The following ZC3H12B variants were observed in gnomAD, a reference collection of about 807,000 sequenced individuals.
The protein encoded by ZC3H12B is probable ribonuclease ZC3H12B.
Under a neutral mutation model 43.9 loss-of-function variants are expected in ZC3H12B, and 7 were observed. The ratio of observed to expected loss-of-function variants is 0.16; its 90% CI spans 0.09 to 0.30. The LOEUF (loss-of-function observed/expected upper bound fraction) is 0.30. Among genes scored for constraint, ZC3H12B ranks in the 10% least tolerant of loss-of-function variants. The pLI, the probability that ZC3H12B is intolerant of heterozygous loss-of-function variation, is 1.00. For missense variants in ZC3H12B, 475 were observed against 670.2 expected (o/e 0.71, Z 3.22); for synonymous variants, 222 against 241.7 (o/e 0.92, Z 0.76).
At chrX:65,304,528 A>G in the ZC3H12B span, among the ~76,000 whole-genome samples, 1 of 108,984 alleles carries the variant, frequency 9.2e-6, no homozygotes, top group African/African-American at 3.3e-5. Flanking sequence ...AGGCAGGAGA[A>G]TGGCGTGAAC....
the ZC3H12B span, among the ~76,000 whole-genome samples, chrX:65,198,018 G>T: frequency 8.9e-6 from 1 of 111,808 alleles, no homozygotes; most frequent in African/African-American, 3.3e-5. Context: ...ACACACATTC[G>T]ATCCCGCAGC....
chrX:65,173,310 G>A, the ZC3H12B span, among the ~76,000 whole-genome samples: 1 of 111,863 alleles, frequency 8.9e-6, no homozygotes, highest in African/African-American at 3.3e-5. Flanking sequence ...ATCAGCTTAA[G>A]GAGTTTTAGG....
At chrX:65,146,720 T>C in the ZC3H12B span, among the ~76,000 whole-genome samples, 4 of 111,558 alleles carry the variant, frequency 3.6e-5, no homozygotes, top group Non-Finnish European at 7.5e-5. Context: ...CTGTAGTGAT[T>C]ATTATCTCTC....
chrX:65,134,781 C>T, the ZC3H12B span, among the ~76,000 whole-genome samples: 36 of 111,388 alleles, frequency 3.2e-4, no homozygotes, highest in African/African-American at 1.1e-3. Flanking sequence ...GTTTATTTCA[C>T]CTGGGTGCTG....
chrX:65,373,969 T>C (rs1341532499), intron 2 of ZC3H12B, among the ~76,000 whole-genome samples: 1 of 49,915 alleles, frequency 2.0e-5, no homozygotes, highest in African/African-American at 2.3e-4. Context: ...ACTGTATATA[T>C]AGTATATATA....
chrX:65,394,099 T>C (rs1413979408), intron 2 of ZC3H12B, among the ~76,000 whole-genome samples: 1 of 112,405 alleles, frequency 8.9e-6, no homozygotes, highest in Non-Finnish European at 1.9e-5. Flanking sequence ...TTCCAGATAT[T>C]AGACCTTTGT....
chrX:65,433,948 G>A (rs1431857521), intron 3 of ZC3H12B, among the ~76,000 whole-genome samples: 1 of 111,308 alleles, frequency 9.0e-6, no homozygotes, highest in Non-Finnish European at 1.9e-5. Flanking sequence ...TCCTCGTATT[G>A]GTCAAGTAAG....
At chrX:65,362,182 G>A (rs765222448), upstream of ZC3H12B, among the ~76,000 whole-genome samples, 1 of 111,932 alleles carries the variant, frequency 8.9e-6, no homozygotes, top group Non-Finnish European at 1.9e-5. Context: ...CTTAGTGGCT[G>A]AAGACTGACA....
At chrX:65,182,887 A>G in the ZC3H12B span, among the ~76,000 whole-genome samples, 1 of 112,346 alleles carries the variant, frequency 8.9e-6, no homozygotes, top group Non-Finnish European at 1.9e-5. Context: ...ATCTCATACC[A>G]GCCAGAATGG....
chrX:65,451,202 G>A (rs746925902), intron 3 of ZC3H12B, among the ~76,000 whole-genome samples: 16 of 110,379 alleles, frequency 1.4e-4, no homozygotes, highest in Admixed American at 2.9e-4. Flanking sequence ...CACACACCTC[G>A]GTATCCCAAA....
chrX:65,403,231 G>T (rs376797274), intron 3 of ZC3H12B, among the ~76,000 whole-genome samples: 23 of 111,999 alleles, frequency 2.1e-4, no homozygotes, highest in African/African-American at 7.4e-4. Flanking sequence ...TGATCAAGAA[G>T]AAAGAGTGAG....
chrX:65,351,812 A>C, the ZC3H12B span, among the ~76,000 whole-genome samples: 1 of 112,312 alleles, frequency 8.9e-6, no homozygotes, highest in East Asian at 2.8e-4. Flanking sequence ...AAAAGTTGGG[A>C]AACAACAGAT....
intron 3 of ZC3H12B, among the ~76,000 whole-genome samples, chrX:65,472,998 G>GTATATATA (rs370502555): frequency 1.3e-5 from 1 of 77,797 alleles, no homozygotes; most frequent in African/African-American, 5.3e-5. Flanking sequence ...ATATATATAT[G>GTATATATA]TATATATATA....
chrX:65,403,027 T>C (rs1264873617), intron 3 of ZC3H12B, among the ~76,000 whole-genome samples: 1 of 112,340 alleles, frequency 8.9e-6, no homozygotes, highest in Non-Finnish European at 1.9e-5. Flanking sequence ...ATGTGACTTT[T>C]CAGACAGGGA....
At chrX:65,142,801 T>C in the ZC3H12B span, among the ~76,000 whole-genome samples, 1 of 112,513 alleles carries the variant, frequency 8.9e-6, no homozygotes, top group African/African-American at 3.2e-5. Flanking sequence ...CAAAGATCTG[T>C]TGGCTGTAAC....
the ZC3H12B span, among the ~76,000 whole-genome samples, chrX:65,170,976 A>G: frequency 8.9e-6 from 1 of 111,901 alleles, no homozygotes. Context: ...GTGATGGGTT[A>G]GAACATCCTC....
the ZC3H12B span, among the ~76,000 whole-genome samples, chrX:65,251,018 G>A: frequency 9.0e-6 from 1 of 111,654 alleles, no homozygotes; most frequent in Non-Finnish European, 1.9e-5. Context: ...TGCCTATGCC[G>A]ATGTCCTGAA....
chrX:65,265,399 G>A, the ZC3H12B span, among the ~76,000 whole-genome samples: 3 of 111,959 alleles, frequency 2.7e-5, no homozygotes, highest in Non-Finnish European at 5.7e-5. Flanking sequence ...TAGTGTACTG[G>A]TCAAACAAAA....
intron 3 of ZC3H12B, among the ~76,000 whole-genome samples, chrX:65,442,821 G>T (rs182421695): frequency 8.9e-6 from 1 of 111,767 alleles, no homozygotes; most frequent in Non-Finnish European, 1.9e-5. Flanking sequence ...TTTCCCTCTT[G>T]ATCTGGGGGG....
Sources: gnomAD v4.1 joint callset for allele counts (sites outside exome capture counted in the v4.1 genomes callset) on GRCh38, gnomAD v4.1.1 for gene constraint, MANE v1.5 for transcripts, NCBI Gene and HGNC (gene_info 2026-07-23, HGNC 2026-07-21) for gene names.